The following SIPA1L1 variants were observed in gnomAD, a reference collection of about 807,000 sequenced individuals.
SIPA1L1 encodes signal-induced proliferation-associated 1-like protein 1.
SIPA1L1 carries 26 observed loss-of-function variants against 162.7 expected under a neutral mutation model. That is an observed-to-expected ratio of 0.16 (90% CI 0.12 to 0.22). The LOEUF is 0.22. SIPA1L1 is among the 10% of genes least tolerant of loss of function. The pLI, the probability that SIPA1L1 is intolerant of heterozygous loss-of-function variation, is 1.00. For missense variants in SIPA1L1, 1,874 were observed against 2,241.0 expected (o/e 0.84, Z 3.31); for synonymous variants, 829 against 837.4 (o/e 0.99, Z 0.17).
chr14:71,619,037 C>G (rs142427174), intron 6 of SIPA1L1, 150 bp downstream of exon 6: 9 of 767,870 alleles, frequency 1.2e-5, no homozygotes, highest in Non-Finnish European at 1.8e-5. Flanking sequence ...TGGTGGAGAT[C>G]GAGGTGGACA....
chr14:71,593,427 G>C (rs898886001), intron 5 of SIPA1L1, among the ~76,000 whole-genome samples: 2 of 152,092 alleles, frequency 1.3e-5, no homozygotes, highest in East Asian at 1.9e-4. Context: ...GGCAAGGCTG[G>C]TCTCAAACTC....
chr14:71,396,322 G>A (rs966923769), intron 2 of SIPA1L1, among the ~76,000 whole-genome samples: 1 of 152,174 alleles, frequency 6.6e-6, no homozygotes, highest in East Asian at 1.9e-4. Flanking sequence ...GAAGAGGGGA[G>A]TGTCTGGGTT....
intron 2 of SIPA1L1, among the ~76,000 whole-genome samples, chr14:71,388,743 C>T (rs912549660): frequency 6.6e-6 from 1 of 152,208 alleles, no homozygotes; most frequent in Non-Finnish European, 1.5e-5. Context: ...CCTGGCTGAA[C>T]ATCAGAATCA....
intron 2 of SIPA1L1, among the ~76,000 whole-genome samples, chr14:71,447,216 T>C (rs1413924150): frequency 1.3e-5 from 2 of 152,050 alleles, no homozygotes; most frequent in Non-Finnish European, 2.9e-5. Flanking sequence ...GCTTATCCTC[T>C]GTTAGCTTTT....
At chr14:71,369,882 C>T (rs2038715298) in intron 2 of SIPA1L1, among the ~76,000 whole-genome samples, 2 of 143,402 alleles carry the variant, frequency 1.4e-5, no homozygotes, top group South Asian at 4.6e-4. Context: ...CTTCACATCC[C>T]TTGTAAGTTG....
At chr14:71,684,385 A>G (rs2046082683) in intron 12 of SIPA1L1, among the ~76,000 whole-genome samples, 1 of 152,132 alleles carries the variant, frequency 6.6e-6, no homozygotes, top group Admixed American at 6.5e-5. Context: ...TTTGCCCCCC[A>G]TCTCCATGTC....
At chr14:71,569,606 T>A (rs2031535311) in intron 4 of SIPA1L1, among the ~76,000 whole-genome samples, 1 of 152,138 alleles carries the variant, frequency 6.6e-6, no homozygotes, top group Admixed American at 6.5e-5. Context: ...CTCTGTCTGA[T>A]TTAAGAAGGA....
chr14:71,723,127 A>C (rs1193315413), intron 17 of SIPA1L1, among the ~76,000 whole-genome samples: 1 of 152,226 alleles, frequency 6.6e-6, no homozygotes, highest in Non-Finnish European at 1.5e-5. Flanking sequence ...CAGAGCCAAT[A>C]GGAATGCCAG....
intron 2 of SIPA1L1, among the ~76,000 whole-genome samples, chr14:71,494,767 G>A (rs1365568471): frequency 6.6e-6 from 1 of 152,126 alleles, no homozygotes; most frequent in Non-Finnish European, 1.5e-5. Flanking sequence ...AGCCTCCCGA[G>A]TAGCTGGGAC....
At chr14:71,572,588 A>ATACCTCT (rs2032282306) in intron 4 of SIPA1L1, among the ~76,000 whole-genome samples, 1 of 152,206 alleles carries the variant, frequency 6.6e-6, no homozygotes, top group South Asian at 2.1e-4. Context: ...GTTCCCCAGA[A>ATACCTCT]TACCTCTTCA....
At chr14:71,654,622 T>C (rs1389876918) in intron 8 of SIPA1L1, among the ~76,000 whole-genome samples, 3 of 152,202 alleles carry the variant, frequency 2.0e-5, no homozygotes, top group Non-Finnish European at 4.4e-5. Context: ...AAAAGAGATA[T>C]AAGACTTTTC....
chr14:71,561,068 T>A (rs1350710320), intron 4 of SIPA1L1, among the ~76,000 whole-genome samples: 1 of 152,230 alleles, frequency 6.6e-6, no homozygotes, highest in African/African-American at 2.4e-5. Flanking sequence ...AGAGTTCTTT[T>A]TAGTAGCTCT....
chr14:71,700,481 T>C (rs557059551), intron 14 of SIPA1L1, among the ~76,000 whole-genome samples: 1 of 152,266 alleles, frequency 6.6e-6, no homozygotes, highest in Non-Finnish European at 1.5e-5. Context: ...TTTACTCTTA[T>C]GAATGAAACA....
intron 2 of SIPA1L1, among the ~76,000 whole-genome samples, chr14:71,435,116 C>T (rs1405709132): frequency 6.6e-6 from 1 of 152,028 alleles, no homozygotes; most frequent in Admixed American, 6.6e-5. Flanking sequence ...TGCTAAACTG[C>T]CCTGCTTAAA....
intron 2 of SIPA1L1, among the ~76,000 whole-genome samples, chr14:71,417,083 C>T (rs1171831839): frequency 6.6e-6 from 1 of 152,058 alleles, no homozygotes; most frequent in Admixed American, 6.6e-5. Context: ...CAGAACTTAA[C>T]TACTAGTAGC....
intron 19 of SIPA1L1, among the ~76,000 whole-genome samples, chr14:71,725,583 G>C (rs998576711): frequency 1.3e-5 from 2 of 152,168 alleles, no homozygotes; most frequent in African/African-American, 4.8e-5. Context: ...GGAAAGGTTT[G>C]TGTACTCGTC....
chr14:71,560,513 A>G (rs1354483815), intron 4 of SIPA1L1, among the ~76,000 whole-genome samples: 1 of 152,240 alleles, frequency 6.6e-6, no homozygotes, highest in African/African-American at 2.4e-5. Context: ...TTATCAGGAA[A>G]GCTAAAGAGT....
chr14:71,727,206 T>C (rs2084324009), intron 19 of SIPA1L1, among the ~76,000 whole-genome samples: 1 of 152,110 alleles, frequency 6.6e-6, no homozygotes, highest in African/African-American at 2.4e-5. Flanking sequence ...GTGCCAGTGC[T>C]CTCAGGTATA....
chr14:71,525,884 T>C (rs985279321), intron 3 of SIPA1L1, among the ~76,000 whole-genome samples: 2 of 150,348 alleles, frequency 1.3e-5, no homozygotes, highest in Admixed American at 6.6e-5. Context: ...CAGGGACTTA[T>C]TTCTACCAGT....
Sources: gnomAD v4.1 joint callset for allele counts (sites outside exome capture counted in the v4.1 genomes callset) on GRCh38, gnomAD v4.1.1 for gene constraint, MANE v1.5 for transcripts, NCBI Gene and HGNC (gene_info 2026-07-23, HGNC 2026-07-21) for gene names.